ZNF652: variants seen among roughly 807,000 people sequenced by gnomAD.
The protein encoded by ZNF652 is zinc finger protein 652.
In ZNF652, 16 loss-of-function variants were observed where a neutral mutation model predicts 45.2. The ratio of observed to expected loss-of-function variants is 0.35; its 90% CI spans 0.24 to 0.54. ZNF652 has a LOEUF of 0.54. ZNF652 is among the 20% of genes least tolerant of loss of function. The pLI is 0.91. For synonymous variants in ZNF652, 250 were observed against 260.6 expected (o/e 0.96, Z 0.39); for missense variants, 614 against 765.6 (o/e 0.80, Z 2.34).
At chr17:49,355,348 G>A (rs1177843512) in intron 1 of ZNF652, among the ~76,000 whole-genome samples, 1 of 152,010 alleles carries the variant, frequency 6.6e-6, no homozygotes, top group African/African-American at 2.4e-5. Flanking sequence ...ACTTTGGGAG[G>A]CCGAGAGGAG....
At chr17:49,349,656 A>G (rs746589110) in intron 1 of ZNF652, among the ~76,000 whole-genome samples, 2 of 152,192 alleles carry the variant, frequency 1.3e-5, no homozygotes, top group Non-Finnish European at 2.9e-5. Context: ...TTAACAGTTA[A>G]TTTCCTAGTA....
intron 1 of ZNF652, among the ~76,000 whole-genome samples, chr17:49,352,614 T>C (rs2070294062): frequency 6.6e-6 from 1 of 152,208 alleles, no homozygotes; most frequent in Non-Finnish European, 1.5e-5. Context: ...CTATATGACC[T>C]AGCAATCCCC....
At chr17:49,350,834 T>C (rs1485545137) in intron 1 of ZNF652, among the ~76,000 whole-genome samples, 1 of 149,998 alleles carries the variant, frequency 6.7e-6, no homozygotes, top group African/African-American at 2.4e-5. Context: ...GCCAGGCATG[T>C]TGGCAGATGC....
chr17:49,329,411 A>G (rs1400575822), intron 1 of ZNF652, among the ~76,000 whole-genome samples: 1 of 152,198 alleles, frequency 6.6e-6, no homozygotes, highest in Non-Finnish European at 1.5e-5. Flanking sequence ...GGTGCTCACA[A>G]TATCGACCTG....
intron 1 of ZNF652, among the ~76,000 whole-genome samples, chr17:49,353,577 T>C (rs560030851): frequency 6.6e-6 from 1 of 152,258 alleles, no homozygotes; most frequent in East Asian, 1.9e-4. Context: ...GAAAATACAT[T>C]TTGTTAAGCA....
chr17:49,316,736 A>C, intron 2 of ZNF652, 90 bp downstream of exon 2: 1 of 1,335,912 alleles, frequency 7.5e-7, no homozygotes, highest in South Asian at 1.4e-5. Flanking sequence ...TTCAGCCTCT[A>C]TTGCATTTAT....
At position 49,316,839 on chromosome 17, in the gene ZNF652, TCACAG is replaced by T. The variant is rs1250980127; in HGVS notation, c.882_886del (p.Asp294GlufsTer10). The T allele has an allele frequency of 3.1e-6, 5 of 1,610,884 alleles. No homozygotes were observed. The Admixed American group carries it at 5.1e-5, about 16-fold the overall frequency. On this transcript the variant is annotated frameshift_variant, in exon 2 of 6. Transcript: ENST00000430262. LOFTEE classifies it high-confidence loss of function. Reference sequence around the variant, plus strand: ...GATGAAACCTACCTGAATGTTTTTTTCACAGTCTGTTTGCTGGTGAAGGGACAGCT... The same window carrying T: ...GATGAAACCTACCTGAATGTTTTTTTTCTGTTTGCTGGTGAAGGGACAGCT...
rs372072504 is a variant in ZNF652, at chr17:49,290,218, G to C, written c.*8195C>G. 5.3e-4 allele frequency: 80 copies of C among 152,354 alleles called. 1 individual carries two copies. Among genetic ancestry groups the C allele is most frequent in the African/African-American group, 1.7e-3 (72 of 41,558 alleles). The allele number at this position is 152,354 out of a possible 1,614,324, so 9.4% of individuals were successfully genotyped here. A position where few individuals can be genotyped will look rare whatever the true frequency, so the allele number is the denominator to read the frequency against. On this transcript the variant is annotated 3_prime_UTR_variant, in exon 6 of 6. Coordinates refer to ENST00000430262, the MANE Select transcript of ZNF652 (RefSeq NM_001145365.3). ...TAAGAAGGCCATTCCAGGTGTAAAT[G>C]CCTCCCGGCTCTACAGGGGGTAATA...
chr17:49,359,596 C>T (rs546222871), intron 1 of ZNF652, among the ~76,000 whole-genome samples: 109 of 152,320 alleles, frequency 7.2e-4, no homozygotes, highest in African/African-American at 2.6e-3. Flanking sequence ...CATTCCAACA[C>T]TATCACAAGC....
In ZNF652 at chr17:49,289,618, G is replaced by T. The variant is rs1269728130; in HGVS notation, c.*8795C>A. 2 of 152,244 alleles carry T rather than the reference G, an allele frequency of 1.3e-5. No individual in the cohort carries two copies. Among genetic ancestry groups the T allele is most frequent in the Non-Finnish European group, 2.9e-5 (2 of 68,078 alleles). 9.4% of individuals were successfully genotyped at this position (152,244 alleles called of 1,614,324 possible). On this transcript the variant is annotated 3_prime_UTR_variant, in exon 6 of 6. Transcript: ENST00000430262. Reference sequence around the variant, plus strand: ...CCTCACTGCAGTTCCCTGGGGCCAAGCAGCCCTCCTCTCCCCAGTATCTTT... The same window carrying T: ...CCTCACTGCAGTTCCCTGGGGCCAATCAGCCCTCCTCTCCCCAGTATCTTT...
intron 1 of ZNF652, among the ~76,000 whole-genome samples, chr17:49,344,596 C>A (rs1479647860): frequency 2.7e-5 from 4 of 147,654 alleles, no homozygotes; most frequent in Admixed American, 6.8e-5. Flanking sequence ...TCTCGGCTCA[C>A]TGCAACCTCT....
chr17:49,349,026 G>A (rs1406005806), intron 1 of ZNF652, among the ~76,000 whole-genome samples: 1 of 152,166 alleles, frequency 6.6e-6, no homozygotes, highest in Non-Finnish European at 1.5e-5. Context: ...ACACTTAAGA[G>A]TTCCATTTAA....
At chr17:49,358,758 G>A (rs1166866297) in intron 1 of ZNF652, among the ~76,000 whole-genome samples, 2 of 152,148 alleles carry the variant, frequency 1.3e-5, no homozygotes, top group South Asian at 2.1e-4. Flanking sequence ...ACAGTTCTGG[G>A]TGTCACGAAT....
At chr17:49,331,769 T>C (rs1055647183) in intron 1 of ZNF652, among the ~76,000 whole-genome samples, 28 of 152,350 alleles carry the variant, frequency 1.8e-4, no homozygotes, top group Non-Finnish European at 2.6e-4. Flanking sequence ...TATTGTTTTC[T>C]CATTAACAAA....
intron 1 of ZNF652, among the ~76,000 whole-genome samples, chr17:49,341,680 G>C (rs1380924348): frequency 6.6e-6 from 1 of 151,720 alleles, no homozygotes; most frequent in African/African-American, 2.4e-5. Flanking sequence ...AAAGAAAAAG[G>C]ATACCTTTTT....
At chr17:49,303,055 G>C (rs927838291) in intron 5 of ZNF652, among the ~76,000 whole-genome samples, 2 of 152,024 alleles carry the variant, frequency 1.3e-5, no homozygotes, top group African/African-American at 4.8e-5. Flanking sequence ...GCCAGCCACA[G>C]TGGCTCACAC....
At chr17:49,330,520 T>C (rs573017119) in intron 1 of ZNF652, among the ~76,000 whole-genome samples, 4 of 152,148 alleles carry the variant, frequency 2.6e-5, no homozygotes, top group Non-Finnish European at 5.9e-5. Context: ...GCTAGTTTTT[T>C]GTGTTTTTAA....
rs1257605310 is a variant in ZNF652 at position 49,296,378 on chromosome 17, G to A, written c.*2035C>T. On this transcript the variant is annotated 3_prime_UTR_variant, in exon 6 of 6. Transcript: ENST00000430262. ...AAACCAAAAAGCCAATAGAGAACGT[G>A]ATGTTTGAAAAATATGGACTTAATC... 1 of 152,514 alleles carries A rather than the reference G, an allele frequency of 6.6e-6. No individual in the cohort carries two copies. The highest frequency in any genetic ancestry group is 1.5e-5 in the Non-Finnish European group (1 of 68,018). 9.4% of individuals were successfully genotyped at this position (152,514 alleles called of 1,614,324 possible).
chr17:49,293,682 A>C lies in ZNF652; in HGVS notation c.*4731T>G, dbSNP rs1461239657. The stretch of plus-strand genomic sequence containing the variant: ...AAAAAAAAAAAAAAAAAAAAAAAAA[A>C]AAACTCTTAAGTAATTTCCTATCTT... On this transcript the variant is annotated 3_prime_UTR_variant, in exon 6 of 6. Transcript: ENST00000430262. 6.6e-6 allele frequency among the ~76,000 whole-genome samples: 1 copy of C among 151,002 alleles called. No individual in the cohort carries two copies. The highest frequency in any genetic ancestry group is 1.5e-5 in the Non-Finnish European group (1 of 67,750).
Sources: gnomAD v4.1 joint callset for allele counts (sites outside exome capture counted in the v4.1 genomes callset) on GRCh38, gnomAD v4.1.1 for gene constraint, MANE v1.5 for transcripts, NCBI Gene and HGNC (gene_info 2026-07-23, HGNC 2026-07-21) for gene names.